The following SAMD4A variants were observed in gnomAD, a reference collection of about 807,000 sequenced individuals.
The protein encoded by SAMD4A is sterile alpha motif domain containing 4A, also known as protein Smaug homolog 1.
In SAMD4A, 33 loss-of-function variants were observed where a neutral mutation model predicts 81.3. The ratio of observed to expected loss-of-function variants is 0.41; its 90% CI spans 0.31 to 0.54. The LOEUF (loss-of-function observed/expected upper bound fraction) is 0.54, where lower values mean the gene tolerates loss of function less well. SAMD4A is among the 20% of genes least tolerant of loss of function. SAMD4A has a pLI of 0.37. For missense variants in SAMD4A, 854 were observed against 951.1 expected (o/e 0.90, Z 1.34); for synonymous variants, 389 against 382.1 (o/e 1.02, Z -0.21).
At chr14:54,777,279 C>T (rs187470512) in intron 11 of SAMD4A, among the ~76,000 whole-genome samples, 1 of 151,736 alleles carries the variant, frequency 6.6e-6, no homozygotes, top group Admixed American at 6.6e-5. Context: ...ACAGTAGAAA[C>T]GCTCTGTCCA....
chr14:54,755,259 G>A (rs1200467504), intron 6 of SAMD4A, among the ~76,000 whole-genome samples: 2 of 152,134 alleles, frequency 1.3e-5, no homozygotes, highest in Non-Finnish European at 1.5e-5. Context: ...AGGAGAAGTG[G>A]GGGCGGGAAA....
intron 6 of SAMD4A, among the ~76,000 whole-genome samples, chr14:54,752,381 C>G (rs1260159295): frequency 6.6e-6 from 1 of 152,162 alleles, no homozygotes; most frequent in Non-Finnish European, 1.5e-5. Flanking sequence ...TGCATGGGTA[C>G]TGGGAGGCAA....
In SAMD4A at chr14:54,695,967, AAAAAAAG is replaced by A. The variant is rs2036566726; in HGVS notation, c.197-6089_197-6083del. Among the ~76,000 whole-genome samples, 3 of 151,582 alleles carry A rather than the reference AAAAAAAG, an allele frequency of 2.0e-5. No individual in the cohort carries two copies. In the South Asian group the frequency reaches 6.3e-4, roughly 32 times the overall value. On this transcript the variant is annotated intron_variant, in intron 2 of 12. Transcript: ENST00000554335. ...ACTCCATCTCAGAAAAAAAAAAAAA[AAAAAAAG>A]AAAAAGAAAATAGGGGGAGGGTTTA...
Position 54,760,391 on chromosome 14 carries a change from G to A in SAMD4A, c.1407G>A (p.Gly469=). 2.0e-6 allele frequency: 3 copies of A among 1,506,532 alleles called. No individual in the cohort carries two copies. The highest frequency in any genetic ancestry group is 2.6e-6 in the Non-Finnish European group (3 of 1,139,314). 93.3% of individuals were successfully genotyped at this position (1,506,532 alleles called of 1,614,324 possible). A position where few individuals can be genotyped will look rare whatever the true frequency, so the allele number is the denominator to read the frequency against. Residue 469 remains glycine, a synonymous_variant, in exon 7 of 13, where the codon GGG becomes GGA. Transcript: ENST00000554335. ...CCACCCCCTCGGCCGGGGCCAGCGG[G>A]GGGCTCCAGCCGCACCAGCTGAGCA... ...ATATPSAGAS[G]GLQPHQLSSC... is the part of the protein sequence containing the mutation.
At chr14:54,711,834 C>T (rs1188908442) in intron 3 of SAMD4A, among the ~76,000 whole-genome samples, 1 of 152,030 alleles carries the variant, frequency 6.6e-6, no homozygotes, top group Admixed American at 6.6e-5. Flanking sequence ...AAAGTGGCTC[C>T]CTTAGGAGCC....
intron 3 of SAMD4A, among the ~76,000 whole-genome samples, chr14:54,729,192 G>C (rs2037497851): frequency 6.6e-6 from 1 of 152,092 alleles, no homozygotes; most frequent in African/African-American, 2.4e-5. Context: ...GCTATTTGAA[G>C]TTCCAAACTT....
At chr14:54,593,834 T>G (rs1002322762) in intron 2 of SAMD4A, among the ~76,000 whole-genome samples, 1 of 152,184 alleles carries the variant, frequency 6.6e-6, no homozygotes, top group Non-Finnish European at 1.5e-5. Flanking sequence ...GATGGTCTTC[T>G]TAGGTCTGGC....
intron 2 of SAMD4A, among the ~76,000 whole-genome samples, chr14:54,700,309 G>C (rs892921857): frequency 6.6e-6 from 1 of 152,170 alleles, no homozygotes; most frequent in Non-Finnish European, 1.5e-5. Flanking sequence ...AACTTACCAA[G>C]GTTCTACCAC....
At chr14:54,671,397 T>G (rs2035877544) in intron 2 of SAMD4A, among the ~76,000 whole-genome samples, 1 of 152,182 alleles carries the variant, frequency 6.6e-6, no homozygotes, top group African/African-American at 2.4e-5. Context: ...CTAGGGGTGT[T>G]GTAAGGATTA....
intron 2 of SAMD4A, among the ~76,000 whole-genome samples, chr14:54,601,072 T>C (rs1211628214): frequency 1.3e-5 from 2 of 152,212 alleles, no homozygotes; most frequent in Non-Finnish European, 2.9e-5. Context: ...GACTATGCCA[T>C]AAATTCCTCT....
chr14:54,762,587 C>G (rs2038429170), intron 7 of SAMD4A, among the ~76,000 whole-genome samples: 1 of 152,170 alleles, frequency 6.6e-6, no homozygotes, highest in African/African-American at 2.4e-5. Flanking sequence ...CCAAGTGGAG[C>G]AGCTACTGAA....
chr14:54,770,140 T>C lies in SAMD4A; in HGVS notation c.1633T>C (p.Trp545Arg). Residue 545 changes from tryptophan (W) to arginine (R), a missense_variant, in exon 9 of 13, where the codon TGG (tryptophan) becomes CGG (arginine). Physicochemically the swap from Trp to Arg is moderately radical, Grantham distance 101. Transcript: ENST00000554335. The part of the protein sequence containing the change: ...TETQKKRLLS[W>R]KQQVQKLFRS... ...GACACAGAAAAAAAGATTGTTGTCA[T>C]GGAAACAGCAGGTGCAGAAGCTCTT... The C allele has an allele frequency of 3.7e-6, 6 of 1,614,154 alleles. No homozygotes were observed. Among genetic ancestry groups the C allele is most frequent in the South Asian group, 2.2e-5 (2 of 91,078 alleles).
intron 3 of SAMD4A, among the ~76,000 whole-genome samples, chr14:54,710,461 G>A (rs1046505055): frequency 1.3e-5 from 2 of 152,124 alleles, no homozygotes; most frequent in African/African-American, 4.8e-5. Flanking sequence ...TAGGTAATGT[G>A]ACCAACATCA....
At chr14:54,739,055 C>CTTTTTTTTTTTTTTTTTCTTTTTTTT (rs2037776498) in intron 4 of SAMD4A, among the ~76,000 whole-genome samples, 1 of 97,346 alleles carries the variant, frequency 1.0e-5, no homozygotes, top group South Asian at 3.6e-4. Flanking sequence ...CTTTCCTTTT[C>CTTTTTTTTTTTTTTTTTCTTTTTTTT]TTTTTTTTTT....
chr14:54,642,254 A>G (rs2035191360), intron 2 of SAMD4A, among the ~76,000 whole-genome samples: 2 of 152,196 alleles, frequency 1.3e-5, no homozygotes, highest in Admixed American at 1.3e-4. Context: ...TAAGGTCATG[A>G]TAATGTGGAG....
chr14:54,759,074 T>C lies in SAMD4A; in HGVS notation c.1177-1087T>C, dbSNP rs149751059. On this transcript the variant is annotated intron_variant, in intron 6 of 12. Coordinates refer to ENST00000554335, the MANE Select transcript of SAMD4A (RefSeq NM_015589.6). ...ATCAGAATCAACTTTTATTTCTTTTTTTAATAAGTAGTGCCCAGTATATCA... is the reference window on the plus strand; with the variant it reads ...ATCAGAATCAACTTTTATTTCTTTTCTTAATAAGTAGTGCCCAGTATATCA... 3.0e-3 allele frequency among the ~76,000 whole-genome samples: 450 copies of C among 152,344 alleles called. 2 individuals are homozygous for C. Among genetic ancestry groups the C allele is most frequent in the African/African-American group, 0.01 (435 of 41,558 alleles).
At chr14:54,758,772 G>A (rs147636957) in intron 6 of SAMD4A, among the ~76,000 whole-genome samples, 1,677 of 152,306 alleles carry the variant, frequency 0.011, 26 homozygotes, top group African/African-American at 0.039. Context: ...GGAGGTTGCA[G>A]TGGGCTGAGA....
intron 11 of SAMD4A, among the ~76,000 whole-genome samples, chr14:54,780,602 T>C (rs1296024493): frequency 2.0e-5 from 3 of 152,132 alleles, no homozygotes; most frequent in African/African-American, 7.2e-5. Flanking sequence ...TGGCAGACAA[T>C]GGGTAGGGAG....
chr14:54,664,403 A>G (rs981928725), intron 2 of SAMD4A, among the ~76,000 whole-genome samples: 1 of 152,144 alleles, frequency 6.6e-6, no homozygotes, highest in African/African-American at 2.4e-5. Flanking sequence ...ATACCTGTCT[A>G]ATGAGCATAT....
Sources: gnomAD v4.1 joint callset for allele counts (sites outside exome capture counted in the v4.1 genomes callset) on GRCh38, gnomAD v4.1.1 for gene constraint, MANE v1.5 for transcripts, NCBI Gene and HGNC (gene_info 2026-07-23, HGNC 2026-07-21) for gene names.